The following ACOX3 variants were observed in gnomAD, a reference collection of about 807,000 sequenced individuals.
ACOX3 encodes peroxisomal acyl-coenzyme A oxidase 3.
Under a neutral mutation model 81.5 loss-of-function variants are expected in ACOX3, and 73 were observed. The ratio of observed to expected loss-of-function variants is 0.90; its 90% CI spans 0.74 to 1.09. ACOX3 has a LOEUF of 1.09. Ranked by LOEUF, ACOX3 falls within the 50% of genes least tolerant of loss-of-function variation. The pLI is 0.00. For missense variants in ACOX3, 947 were observed against 928.0 expected (o/e 1.02, Z -0.27); for synonymous variants, 387 against 375.1 (o/e 1.03, Z -0.37).
chr4:8,439,802 G>A (rs1376754023), intron 1 of ACOX3, among the ~76,000 whole-genome samples: 2 of 152,126 alleles, frequency 1.3e-5, no homozygotes, highest in African/African-American at 2.4e-5. Flanking sequence ...AAATAAAAGC[G>A]AGAACTCCCA....
At chr4:8,367,806 C>CA (rs535574857) in intron 17 of ACOX3, among the ~76,000 whole-genome samples, 4,147 of 46,640 alleles carry the variant, frequency 0.089, 1,013 homozygotes, top group East Asian at 0.19. Flanking sequence ...CCCATCTTTA[C>CA]AAAAAAAAAA....
chr4:8,403,083 G>A (rs1212107214), intron 7 of ACOX3, among the ~76,000 whole-genome samples: 3 of 152,134 alleles, frequency 2.0e-5, no homozygotes, highest in Non-Finnish European at 4.4e-5. Flanking sequence ...AGATCTTTAT[G>A]ATTTTGCTTT....
chr4:8,429,459 A>G (rs1054578640), intron 1 of ACOX3, among the ~76,000 whole-genome samples: 4 of 152,250 alleles, frequency 2.6e-5, no homozygotes, highest in Admixed American at 2.0e-4. Flanking sequence ...AAGGTGATAG[A>G]CGCGGGGCTT....
rs1006032800 is a variant in ACOX3, at chr4:8,382,647, G to C, written c.1538-1040C>G. Among the ~76,000 whole-genome samples, 1 of 152,258 alleles carries C rather than the reference G, an allele frequency of 6.6e-6. No individual in the cohort carries two copies. The highest frequency in any genetic ancestry group is 6.5e-5 in the Admixed American group (1 of 15,290). Reference sequence around the variant, plus strand: ...AGTCTGAGCCCAAAGGCTGAACTCAGTGGGGCTTGGGATTTCCTTCTATGT... The same window carrying C: ...AGTCTGAGCCCAAAGGCTGAACTCACTGGGGCTTGGGATTTCCTTCTATGT... On this transcript the variant is annotated intron_variant, in intron 13 of 17. Coordinates refer to ENST00000356406, the MANE Select transcript of ACOX3 (RefSeq NM_003501.3). This position sits in a 1 kb window ranked among gnomAD's most constrained non-coding sequence, Gnocchi z 4.1.
chr4:8,408,892 G>A (rs1721340671), intron 6 of ACOX3, among the ~76,000 whole-genome samples: 1 of 8,174 alleles, frequency 1.2e-4, no homozygotes, highest in African/African-American at 2.3e-4. Context: ...AGCCCTCACT[G>A]GGGGGGGGGG....
Position 8,414,193 on chromosome 4 carries a change from G to T in ACOX3, c.543+99C>A. The T allele has an allele frequency of 9.5e-7, 1 of 1,047,220 alleles. No homozygotes were observed. The highest frequency in any genetic ancestry group is 1.5e-6 in the Non-Finnish European group (1 of 681,420). The allele number at this position is 1,047,220 out of a possible 1,614,324, so 64.9% of individuals were successfully genotyped here. A position where few individuals can be genotyped will look rare whatever the true frequency, so the allele number is the denominator to read the frequency against. ...ACAAGTGTATGTGGACAGGCCTCTT[G>T]CTTTAATGTTTTTTTTTTCTTATTC... is the stretch of plus-strand genomic sequence containing the variant. On this transcript the variant is annotated intron_variant, in intron 5 of 17. Transcript: ENST00000356406. The surrounding 1 kb of genome is among the most constrained non-coding windows in gnomAD (Gnocchi z 6.1).
chr4:8,386,119 T>C lies in ACOX3; in HGVS notation c.1537+3054A>G, dbSNP rs769410090. 6.6e-6 allele frequency among the ~76,000 whole-genome samples: 1 copy of C among 152,200 alleles called. No homozygotes were observed. Among genetic ancestry groups the C allele is most frequent in the Non-Finnish European group, 1.5e-5 (1 of 68,024 alleles). On this transcript the variant is annotated intron_variant, in intron 13 of 17. Coordinates refer to ENST00000356406, the MANE Select transcript of ACOX3 (RefSeq NM_003501.3). This position sits in a 1 kb window ranked among gnomAD's most constrained non-coding sequence, Gnocchi z 5.2. ...AAGGGGAGGGAAGAGCAGAGCGTGA[T>C]GGGCACATGGAGAAGCTGGCTGTCC...
At chr4:8,379,333 T>C (rs1717353003) in intron 14 of ACOX3, among the ~76,000 whole-genome samples, 1 of 152,136 alleles carries the variant, frequency 6.6e-6, no homozygotes, top group Non-Finnish European at 1.5e-5. Flanking sequence ...CTATCACAAA[T>C]GTCCCCTGCT....
At position 8,370,934 on chromosome 4, in the gene ACOX3, A is replaced by T; in HGVS notation, c.1957T>A (p.Ser653Thr). 1 of 1,614,052 alleles carries T rather than the reference A, an allele frequency of 6.2e-7. No individual in the cohort carries two copies. Residue 653 changes from serine to threonine, a missense_variant, in exon 17 of 18, where the codon TCA (serine) becomes ACA (threonine). By Grantham distance (58) the Ser-to-Thr change is moderately conservative. Transcript: ENST00000356406. This position sits in a 1 kb window ranked among gnomAD's most constrained non-coding sequence, Gnocchi z 6.3. ...VIAPPDFVLD[S>T]PIGRADGELY... ...TCGCCGTCGGCTCTGCCAATCGGTG[A>T]GTCCAGAACAAAGTCAGGAGGAGCG...
intron 9 of ACOX3, among the ~76,000 whole-genome samples, chr4:8,395,975 C>A (rs1373649498): frequency 6.6e-6 from 1 of 152,254 alleles, no homozygotes; most frequent in Non-Finnish European, 1.5e-5. Flanking sequence ...AGTTCTCTCA[C>A]CTGTAAAGTG....
intron 14 of ACOX3, among the ~76,000 whole-genome samples, chr4:8,378,230 GC>G (rs1717207152): frequency 6.6e-6 from 1 of 152,352 alleles, no homozygotes; most frequent in Admixed American, 6.5e-5. Context: ...CAGCCATGCA[GC>G]CTGGGGAAAG....
chr4:8,434,113 C>G (rs375127323), intron 1 of ACOX3, among the ~76,000 whole-genome samples: 1 of 152,118 alleles, frequency 6.6e-6, no homozygotes. Context: ...TCTTTAAATT[C>G]CAGACATTGT....
In ACOX3 at chr4:8,407,742, G is replaced by A. The variant is rs904693486; in HGVS notation, c.688-1699C>T. 6.6e-6 allele frequency among the ~76,000 whole-genome samples: 1 copy of A among 152,202 alleles called. No individual in the cohort carries two copies. Among genetic ancestry groups the A allele is most frequent in the Non-Finnish European group, 1.5e-5 (1 of 68,036 alleles). On this transcript the variant is annotated intron_variant, in intron 6 of 17. Transcript: ENST00000356406. This position sits in a 1 kb window ranked among gnomAD's most constrained non-coding sequence, Gnocchi z 4.6. ...GCTATGAATATTCTGGTCAATCACC[G>A]CTCCCCAAGATACAGGTCCAGCCAG...
chr4:8,372,632 T>C (rs827011), intron 16 of ACOX3, among the ~76,000 whole-genome samples: 101,311 of 152,056 alleles, frequency 0.67, 34,749 homozygotes, highest in African/African-American at 0.83. Context: ...CGCCCCTCTC[T>C]GGAACCGCAG....
At chr4:8,408,914 G>GGGGGGT (rs1721365488) in intron 6 of ACOX3, among the ~76,000 whole-genome samples, 1 of 84,478 alleles carries the variant, frequency 1.2e-5, no homozygotes, top group African/African-American at 4.6e-5. Context: ...TGGGGGGGGG[G>GGGGGGT]TGGGGGCGGT....
chr4:8,394,033 A>G lies in ACOX3; in HGVS notation c.1179+587T>C, dbSNP rs1019373217. 3.9e-5 allele frequency among the ~76,000 whole-genome samples: 6 copies of G among 152,244 alleles called. No homozygotes were observed. Among genetic ancestry groups the G allele is most frequent in the African/African-American group, 1.2e-4 (5 of 41,458 alleles). On this transcript the variant is annotated intron_variant, in intron 10 of 17. Transcript: ENST00000356406. The surrounding 1 kb of genome is among the most constrained non-coding windows in gnomAD (Gnocchi z 5.9). ...ATACAGGCTTTTTCTGATGTTGTACATAACAGCAATCTGTGGCGTTTCTCC... is the reference window on the plus strand; with the variant it reads ...ATACAGGCTTTTTCTGATGTTGTACGTAACAGCAATCTGTGGCGTTTCTCC...
chr4:8,372,620 C>A (rs1716360511), intron 16 of ACOX3, among the ~76,000 whole-genome samples: 1 of 152,236 alleles, frequency 6.6e-6, no homozygotes, highest in Non-Finnish European at 1.5e-5. Context: ...CACAATCAGA[C>A]ACGCCCCTCT....
chr4:8,379,602 C>T (rs762178364), intron 14 of ACOX3, among the ~76,000 whole-genome samples: 15 of 152,110 alleles, frequency 9.9e-5, no homozygotes, highest in Non-Finnish European at 1.9e-4. Flanking sequence ...GCCACACACT[C>T]GGGGTGTTGT....
chr4:8,363,376 C>G (rs28870808), downstream of ACOX3, among the ~76,000 whole-genome samples: 2,977 of 152,280 alleles, frequency 0.02, 109 homozygotes, highest in African/African-American at 0.067. Flanking sequence ...CATATATCAC[C>G]TTTTGTGAGA....
Sources: allele counts gnomAD v4.1 joint callset (sites outside exome capture counted in the v4.1 genomes callset), GRCh38; gene constraint gnomAD v4.1.1; non-coding constraint Gnocchi (gnomAD v3.1); transcripts MANE v1.5; gene names NCBI Gene and HGNC (gene_info 2026-07-23, HGNC 2026-07-21).